The following USP40 variants were observed in gnomAD, a reference collection of about 807,000 sequenced individuals.
USP40 encodes the protein ubiquitin specific peptidase 40.
A neutral mutation model predicts 166.2 loss-of-function variants in USP40; 143 were observed. The ratio of observed to expected loss-of-function variants is 0.86; its 90% CI spans 0.75 to 0.99. The LOEUF (loss-of-function observed/expected upper bound fraction) is 0.99. Ranked by LOEUF, USP40 falls within the 50% of genes least tolerant of loss-of-function variation. The pLI is 0.00. For missense variants in USP40, 1,444 were observed against 1,479.7 expected (o/e 0.98, Z 0.40); for synonymous variants, 498 against 524.0 (o/e 0.95, Z 0.68).
rs1172924087 is a variant in USP40 at position 233,486,614 on chromosome 2, G to T, written c.3198-637C>A. On this transcript the variant is annotated intron_variant, in intron 28 of 31. Transcript: ENST00000678225. This position sits in a 1 kb window ranked among gnomAD's most constrained non-coding sequence, Gnocchi z 4.0. ...GATAAGAACTGGAAGGCAGCAAGGG[G>T]AAATGAAGACTGGTTCTTAGGATGC... Among the ~76,000 whole-genome samples, 1 of 152,200 alleles carries T rather than the reference G, an allele frequency of 6.6e-6. No homozygotes were observed.
chr2:233,527,980 AT>A (rs200328029), intron 12 of USP40, among the ~76,000 whole-genome samples: 272 of 139,420 alleles, frequency 2.0e-3, no homozygotes, highest in Middle Eastern at 3.6e-3. Context: ...TTCTCCCATG[AT>A]TTTTTTTTTT....
rs1298252434 is a variant in USP40 at position 233,476,012 on chromosome 2, C to T, written c.*1380G>A. The T allele has an allele frequency of 6.6e-6, 1 of 152,382 alleles. No individual in the cohort carries two copies. The highest frequency in any genetic ancestry group is 2.4e-5 in the African/African-American group (1 of 41,438). The allele number at this position is 152,382 out of a possible 1,614,324, so 9.4% of individuals were successfully genotyped here. Reference sequence around the variant, plus strand: ...GGCAGCTGCTAGTCAGAGTTGGGTCCTTAGGGCGCAGTGCTTCACGGAAAC... The same window carrying T: ...GGCAGCTGCTAGTCAGAGTTGGGTCTTTAGGGCGCAGTGCTTCACGGAAAC... On this transcript the variant is annotated 3_prime_UTR_variant, in exon 32 of 32. Coordinates refer to ENST00000678225, the MANE Select transcript of USP40 (RefSeq NM_001365479.2).
In USP40 at chr2:233,540,694, T is replaced by A. The variant is rs371578318; in HGVS notation, c.1138A>T (p.Lys380Ter). 6.2e-7 allele frequency: 1 copy of A among 1,612,966 alleles called. No individual in the cohort carries two copies. The highest frequency in any genetic ancestry group is 2.2e-5 in the East Asian group (1 of 44,786). ...LKKIGISWNK[K>*]YRKQHGPLRK... ...AGTGGTCCATGCTGTTTTCTGTACT[T>A]CTTGTTCCAAGATATTCCTATCTTT... is the stretch of plus-strand genomic sequence containing the variant. The change falls in exon 10 of 32, where the codon AAG (lysine) becomes TAG (stop). Residue 380 changes from lysine to a stop codon, truncating the protein, a stop_gained. Coordinates refer to ENST00000678225, the MANE Select transcript of USP40 (RefSeq NM_001365479.2). LOFTEE classifies it high-confidence loss of function.
chr2:233,524,397 T>A, intron 15 of USP40, 95 bp downstream of exon 15: 2 of 1,074,344 alleles, frequency 1.9e-6, no homozygotes, highest in Non-Finnish European at 2.6e-6. Flanking sequence ...CCCAAAGTGC[T>A]GGGATTACAG....
chr2:233,551,601 AC>A, intron 6 of USP40, 82 bp from the exon 7 acceptor site: 1 of 1,289,044 alleles, frequency 7.8e-7, no homozygotes, highest in Non-Finnish European at 1.1e-6. Context: ...GTCTGAAAAA[AC>A]AACCTATGAC....
chr2:233,497,032 T>A (rs549185382), intron 23 of USP40, among the ~76,000 whole-genome samples, 200 bp from the exon 24 acceptor site: 9 of 152,262 alleles, frequency 5.9e-5, no homozygotes, highest in Admixed American at 2.6e-4. Context: ...AAGCTGTAAG[T>A]CTGACAGAAG....
chr2:233,486,277 G>A lies in USP40; in HGVS notation c.3198-300C>T, dbSNP rs897663302. On this transcript the variant is annotated intron_variant, in intron 28 of 31. Coordinates refer to ENST00000678225, the MANE Select transcript of USP40 (RefSeq NM_001365479.2). The surrounding 1 kb of genome is among the most constrained non-coding windows in gnomAD (Gnocchi z 4.0). ...AAGAGGTGGCGGCCTGAGCAGGTAC[G>A]ATGTGGCAGAGAGGGACAGGGTGAG... 6.6e-6 allele frequency among the ~76,000 whole-genome samples: 1 copy of A among 152,208 alleles called. No individual in the cohort carries two copies. Among genetic ancestry groups the A allele is most frequent in the Non-Finnish European group, 1.5e-5 (1 of 68,040 alleles).
At chr2:233,491,603 C>CGTGT (rs3075066) in intron 25 of USP40, among the ~76,000 whole-genome samples, 14 of 150,040 alleles carry the variant, frequency 9.3e-5, no homozygotes, top group South Asian at 2.2e-4. Flanking sequence ...ACCTGTTCCT[C>CGTGT]GTGTGTGTGT....
chr2:233,523,492 G>T lies in USP40; in HGVS notation c.1882-3C>A. On this transcript the variant is annotated splice_polypyrimidine_tract_variant and splice_region_variant and intron_variant, in intron 15 of 31. Transcript: ENST00000678225. ...GTTTGAATGTGGACTCCACCAACCT[G>T]CAATCATACCAAGACAACCATTAGT... 3.7e-6 allele frequency: 6 copies of T among 1,609,788 alleles called. No individual in the cohort carries two copies. Among genetic ancestry groups the T allele is most frequent in the Non-Finnish European group, 5.1e-6 (6 of 1,177,332 alleles).
chr2:233,477,193 AG>A lies in USP40; in HGVS notation c.*198del. 1.7e-6 allele frequency: 1 copy of A among 595,496 alleles called. No individual in the cohort carries two copies. Among genetic ancestry groups the A allele is most frequent in the East Asian group, 3.0e-5 (1 of 33,264 alleles). The allele number at this position is 595,496 out of a possible 1,614,324, so 36.9% of individuals were successfully genotyped here. On this transcript the variant is annotated 3_prime_UTR_variant, in exon 32 of 32. Coordinates refer to ENST00000678225, the MANE Select transcript of USP40 (RefSeq NM_001365479.2). ...GGTGGGCGACATCCAGAGCTGCACC[AG>A]CCCCCGTGGCTGCCACGTGTTGCAG...
At chr2:233,495,706 G>A (rs962338451) in intron 24 of USP40, among the ~76,000 whole-genome samples, 12 of 152,252 alleles carry the variant, frequency 7.9e-5, no homozygotes, top group Admixed American at 2.6e-4. Flanking sequence ...GCTGCCTGTC[G>A]GGGAGAGGAC....
intron 18 of USP40, among the ~76,000 whole-genome samples, chr2:233,513,718 G>C (rs2066987442): frequency 6.6e-6 from 1 of 152,074 alleles, no homozygotes; most frequent in African/African-American, 2.4e-5. Context: ...TTATTAAATC[G>C]GCCAGCATGT....
chr2:233,561,140 G>GC (rs1362338893), intron 3 of USP40: 13 of 1,566,510 alleles, frequency 8.3e-6, no homozygotes, highest in Non-Finnish European at 8.7e-6. Flanking sequence ...AAACACCCCA[G>GC]TAAATCATAG....
rs747486620 is a variant in USP40 at position 233,477,395 on chromosome 2, T to C, written c.3708A>G (p.Arg1236=). Residue 1236 remains arginine (R), a synonymous_variant, in exon 32 of 32, where the codon AGA becomes AGG. Transcript: ENST00000678225. ...TSLSIHVGSF[R] is the part of the protein sequence containing the mutation. ...GTAGAGCCGTGCAGCGGCGCGGTTA[T>C]CTGAAGCTCCCCACGTGGATGGAGA... The C allele has an allele frequency of 6.2e-7, 1 of 1,613,520 alleles. No homozygotes were observed. The highest frequency in any genetic ancestry group is 8.5e-7 in the Non-Finnish European group (1 of 1,179,730).
chr2:233,531,518 A>G (rs1375996794), intron 11 of USP40, among the ~76,000 whole-genome samples: 1 of 152,184 alleles, frequency 6.6e-6, no homozygotes, highest in Non-Finnish European at 1.5e-5. Flanking sequence ...CTAATACTCC[A>G]TTTGAAGATA....
intron 16 of USP40, among the ~76,000 whole-genome samples, chr2:233,522,440 T>C (rs1161875551): frequency 6.6e-6 from 1 of 152,150 alleles, no homozygotes; most frequent in Non-Finnish European, 1.5e-5. Context: ...AAAGAAACGG[T>C]CCACAAGTGC....
rs752633193 is a variant in USP40 at position 233,525,485 on chromosome 2, T to C, written c.1803A>G (p.Ser601=). Residue 601 remains serine (S), a synonymous_variant, in exon 14 of 32, where the codon TCA becomes TCG. Transcript: ENST00000678225. The part of the protein sequence containing the change: ...LVPAGLHIYQ[S]LGGDELTLCE... ...TTTTCATATTTATCTTACCGCCAAGTGACTGGTAAATGTGAAGTCCTGCTG... is the reference window on the plus strand; with the variant it reads ...TTTTCATATTTATCTTACCGCCAAGCGACTGGTAAATGTGAAGTCCTGCTG... 1 of 1,612,676 alleles carries C rather than the reference T, an allele frequency of 6.2e-7. No individual in the cohort carries two copies. Among genetic ancestry groups the C allele is most frequent in the Non-Finnish European group, 8.5e-7 (1 of 1,179,064 alleles).
At position 233,554,435 on chromosome 2, in the gene USP40, T is replaced by A. The variant is rs2070866259; in HGVS notation, c.638A>T (p.Asp213Val). ...TCCACAGTGGTACAAGTTGTCACAA[T>A]CAAAAACTTCCTCTTCTACATACAT... is the stretch of plus-strand genomic sequence containing the variant. ...WNMYVEEEVF[D>V]CDNLYHCGTC... The change falls in exon 6 of 32, where the codon GAT (aspartate) becomes GTT (valine). Residue 213 changes from aspartate to valine, a missense_variant. Physicochemically the swap from Asp to Val is radical, Grantham distance 152. Coordinates refer to ENST00000678225, the MANE Select transcript of USP40 (RefSeq NM_001365479.2). 1 of 1,613,196 alleles carries A rather than the reference T, an allele frequency of 6.2e-7. No individual in the cohort carries two copies. The highest frequency in any genetic ancestry group is 1.3e-5 in the African/African-American group (1 of 74,866).
At chr2:233,484,375 T>C (rs572308333) in intron 30 of USP40, among the ~76,000 whole-genome samples, 1 of 152,330 alleles carries the variant, frequency 6.6e-6, no homozygotes, top group East Asian at 1.9e-4. Flanking sequence ...CTGCTAAGTA[T>C]GTTTTTGTAT....
Sources: gnomAD v4.1 joint callset for allele counts (sites outside exome capture counted in the v4.1 genomes callset) on GRCh38, gnomAD v4.1.1 for gene constraint, Gnocchi (gnomAD v3.1) non-coding constraint, MANE v1.5 for transcripts, NCBI Gene and HGNC (gene_info 2026-07-23, HGNC 2026-07-21) for gene names.